CDK13: variants seen among roughly 807,000 people sequenced by gnomAD.
CDK13 encodes the protein cyclin dependent kinase 13, also known as cyclin-dependent kinase 13.
In CDK13, 40 loss-of-function variants were observed where a neutral mutation model predicts 137.6. The observed-to-expected ratio is 0.29, with a 90% CI of 0.23 to 0.38. The LOEUF (loss-of-function observed/expected upper bound fraction) is 0.38. CDK13 is among the 10% of genes least tolerant of loss of function. CDK13 has a pLI of 1.00. For synonymous variants in CDK13, 869 were observed against 760.1 expected (o/e 1.14, Z -2.36); for missense variants, 1,704 against 1,951.8 (o/e 0.87, Z 2.39).
intron 5 of CDK13, among the ~76,000 whole-genome samples, chr7:40,024,632 T>C (rs1329694770): frequency 4.2e-5 from 6 of 143,998 alleles, no homozygotes; most frequent in African/African-American, 1.0e-4. Flanking sequence ...TTCCAAGATA[T>C]CTGTAGCTCT....
At chr7:40,045,033 C>T (rs1436939796) in intron 5 of CDK13, among the ~76,000 whole-genome samples, 2 of 152,058 alleles carry the variant, frequency 1.3e-5, no homozygotes, top group Non-Finnish European at 2.9e-5. Flanking sequence ...AAGAAAGACT[C>T]CTTCTGTTGC....
intron 1 of CDK13, among the ~76,000 whole-genome samples, chr7:39,965,323 A>G (rs1396708903): frequency 3.3e-5 from 5 of 152,160 alleles, no homozygotes; most frequent in Non-Finnish European, 1.5e-5. Flanking sequence ...GTGCATATAT[A>G]TTTAGGATAG....
At chr7:40,064,815 A>G (rs1786242412) in intron 9 of CDK13, among the ~76,000 whole-genome samples, 1 of 148,598 alleles carries the variant, frequency 6.7e-6, no homozygotes, top group Non-Finnish European at 1.5e-5. Context: ...TTTTTGAGAC[A>G]GTATCTCACT....
chr7:39,967,014 C>A (rs1202015927), intron 1 of CDK13, among the ~76,000 whole-genome samples: 3 of 152,154 alleles, frequency 2.0e-5, no homozygotes, highest in African/African-American at 4.8e-5. Context: ...AGGTGTCAGT[C>A]TGCCCCTACT....
intron 4 of CDK13, 139 bp downstream of exon 4, chr7:39,999,639 ATTCTATAT>A (rs1784642214): frequency 1.2e-6 from 1 of 822,438 alleles, no homozygotes; most frequent in Non-Finnish European, 1.9e-6. Context: ...TTGTTTTTTT[ATTCTATAT>A]ATGCATTTTG....
intron 4 of CDK13, among the ~76,000 whole-genome samples, chr7:40,000,349 G>T (rs1281718703): frequency 6.6e-6 from 1 of 152,178 alleles, no homozygotes; most frequent in East Asian, 1.9e-4. Context: ...CTGAGCGACA[G>T]AGCGAGACTC....
At position 39,997,684 on chromosome 7, in the gene CDK13, C is replaced by T. The variant is rs2116310757; in HGVS notation, c.2042+20C>T. On this transcript the variant is annotated intron_variant, in intron 3 of 13. Coordinates refer to ENST00000181839, the MANE Select transcript of CDK13 (RefSeq NM_003718.5). ...GCCTAAGTATGTGCTTGCTTTCTAC[C>T]TGCTCTTAAATTGACCAGCAGTGAT... 2 of 1,593,602 alleles carry T rather than the reference C, an allele frequency of 1.3e-6. No individual in the cohort carries two copies. The highest frequency in any genetic ancestry group is 1.3e-5 in the African/African-American group (1 of 74,202).
At chr7:40,055,156 C>CTGTGTGTGTG (rs56001601) in intron 7 of CDK13, among the ~76,000 whole-genome samples, 1,978 of 140,386 alleles carry the variant, frequency 0.014, 33 homozygotes, top group African/African-American at 0.046. Context: ...GGCAGAAGGA[C>CTGTGTGTGTG]TGTGTGTGTG....
At chr7:39,992,763 C>T (rs1784490814) in intron 2 of CDK13, among the ~76,000 whole-genome samples, 1 of 151,450 alleles carries the variant, frequency 6.6e-6, no homozygotes, top group Non-Finnish European at 1.5e-5. Flanking sequence ...CTGATTATTT[C>T]TTCTTGGTAT....
At chr7:40,076,570 A>G (rs552113709) in intron 9 of CDK13, among the ~76,000 whole-genome samples, 2 of 151,656 alleles carry the variant, frequency 1.3e-5, no homozygotes, top group South Asian at 4.2e-4. Context: ...GGAGGTTGTG[A>G]AAATTGGACT....
chr7:39,950,869 C>A lies in CDK13; in HGVS notation c.228C>A (p.Ala76=). Residue 76 remains alanine (A), a synonymous_variant, in exon 1 of 14, where the codon GCC becomes GCA. Coordinates refer to ENST00000181839, the MANE Select transcript of CDK13 (RefSeq NM_003718.5). ...TAAAAAAAAA[A]SSSCFSPGPP... The stretch of plus-strand genomic sequence containing the variant: ...CCGCCGCAGCCGCCGCCGCCGCGGC[C>A]TCCTCCTCTTGCTTCAGCCCGGGCC... The A allele has an allele frequency of 7.3e-7, 1 of 1,368,626 alleles. No homozygotes were observed. Among genetic ancestry groups the A allele is most frequent in the Non-Finnish European group, 9.3e-7 (1 of 1,072,014 alleles). 84.8% of individuals were successfully genotyped at this position (1,368,626 alleles called of 1,614,324 possible).
intron 5 of CDK13, among the ~76,000 whole-genome samples, chr7:40,021,150 C>CACACACACACACACACACAT (rs1562733223): frequency 6.6e-6 from 1 of 150,442 alleles, no homozygotes; most frequent in African/African-American, 2.4e-5. Context: ...CACACACACA[C>CACACACACACACACACACAT]ATAAAGTTTT....
intron 11 of CDK13, among the ~76,000 whole-genome samples, chr7:40,087,796 A>G (rs1476178403): frequency 3.3e-5 from 5 of 152,210 alleles, no homozygotes; most frequent in South Asian, 4.1e-4. Flanking sequence ...TGATCCACCT[A>G]TGTCGGCCTC....
Position 40,089,437 on chromosome 7 carries a change from C to CAAA in CDK13, c.3235+1121_3235+1123dup, listed in dbSNP as rs67433312. Among the ~76,000 whole-genome samples, 3 of 123,824 alleles carry CAAA rather than the reference C, an allele frequency of 2.4e-5. No homozygotes were observed. The East Asian group carries it at 7.6e-4, about 31-fold the overall frequency. 81.2% of individuals were successfully genotyped at this position (123,824 alleles called of 152,430 possible). A position where few individuals can be genotyped will look rare whatever the true frequency, so the allele number is the denominator to read the frequency against. On this transcript the variant is annotated intron_variant, in intron 12 of 13. Coordinates refer to ENST00000181839, the MANE Select transcript of CDK13 (RefSeq NM_003718.5). ...CCTGGGTGACAGAGCGAGACTGTCTCAAAAAAAAAAAAAAAAAGGATATCT... is the reference window on the plus strand; with the variant it reads ...CCTGGGTGACAGAGCGAGACTGTCTCAAAAAAAAAAAAAAAAAAAAGGATATCT...
chr7:40,036,556 G>A lies in CDK13; in HGVS notation c.2354-9280G>A, dbSNP rs374908977. Among the ~76,000 whole-genome samples, 73 of 152,170 alleles carry A rather than the reference G, an allele frequency of 4.8e-4. 1 individual carries two copies. In the South Asian group the frequency reaches 0.012, roughly 24 times the overall value. On this transcript the variant is annotated intron_variant, in intron 5 of 13. Coordinates refer to ENST00000181839, the MANE Select transcript of CDK13 (RefSeq NM_003718.5). ...ACTGTACTCCAGTCTGGGTGACAGC[G>A]CGAGACTCCGTCTCAAAAAAAATTA...
At position 39,951,615 on chromosome 7, in the gene CDK13, G is replaced by T; in HGVS notation, c.974G>T (p.Ser325Ile). The T allele has an allele frequency of 6.1e-6, 9 of 1,483,466 alleles. No homozygotes were observed. The highest frequency in any genetic ancestry group is 8.0e-6 in the Non-Finnish European group (9 of 1,120,584). The allele number at this position is 1,483,466 out of a possible 1,614,324, so 91.9% of individuals were successfully genotyped here. A position where few individuals can be genotyped will look rare whatever the true frequency, so the allele number is the denominator to read the frequency against. Residue 325 changes from serine (S) to isoleucine (I), a missense_variant, in exon 1 of 14, where the codon AGC (serine) becomes ATC (isoleucine). Transcript: ENST00000181839. The stretch of plus-strand genomic sequence containing the variant: ...AGCCCACTGGGAGGCCGGGACGACA[G>T]CCCGGTGTCCCACAGGGCCTCTCAG... Reference protein sequence around the residue: ...SLSPLGGRDDSPVSHRASQSL... With the variant: ...SLSPLGGRDDIPVSHRASQSL...
intron 9 of CDK13, chr7:40,069,346 A>G (rs922801466): frequency 2.2e-6 from 1 of 456,100 alleles, no homozygotes; most frequent in Non-Finnish European, 4.4e-6. Context: ...AACAAATCTG[A>G]CTATAATGAG....
chr7:39,954,069 A>G (rs1787327885), intron 1 of CDK13, among the ~76,000 whole-genome samples: 1 of 152,220 alleles, frequency 6.6e-6, no homozygotes, highest in African/African-American at 2.4e-5. Flanking sequence ...TGTGACCAAA[A>G]TCCACCTTCG....
At chr7:40,055,972 A>G (rs1188858181) in intron 7 of CDK13, among the ~76,000 whole-genome samples, 1 of 152,244 alleles carries the variant, frequency 6.6e-6, no homozygotes, top group African/African-American at 2.4e-5. Context: ...CCTGGAACCA[A>G]AACATAGTTT....
Sources: allele counts gnomAD v4.1 joint callset (sites outside exome capture counted in the v4.1 genomes callset), GRCh38; gene constraint gnomAD v4.1.1; transcripts MANE v1.5; gene names NCBI Gene and HGNC (gene_info 2026-07-23, HGNC 2026-07-21).